Variants in DENND1B observed in about 807,000 individuals in gnomAD.
DENND1B encodes DENN domain containing 1B.
Under a neutral mutation model 90.1 loss-of-function variants are expected in DENND1B, and 59 were observed. The observed-to-expected ratio is 0.65, with a 90% confidence interval of 0.53 to 0.81. DENND1B has a LOEUF of 0.81. Ranked by LOEUF, DENND1B falls within the 40% of genes least tolerant of loss-of-function variation. The pLI is 0.00. For missense variants in DENND1B, 862 were observed against 912.6 expected, an observed-to-expected ratio of 0.94 and a Z score of 0.71; for synonymous variants, 337 against 324.6, an observed-to-expected ratio of 1.04 and a Z score of -0.41.
At chr1:197,707,925 G>A (rs1659766695) in intron 3 of DENND1B, among the ~76,000 whole-genome samples, 1 of 151,656 alleles carries the variant, frequency 6.6e-6, no homozygotes, top group Admixed American at 6.6e-5. Flanking sequence ...GGAAGCGCAA[G>A]GGGTCAGGGA....
chr1:197,596,262 C>A (rs963421564), intron 13 of DENND1B, among the ~76,000 whole-genome samples: 1 of 151,888 alleles, frequency 6.6e-6, no homozygotes, highest in African/African-American at 2.4e-5. Context: ...TATTTATGAA[C>A]AGAATTTTAA....
intron 3 of DENND1B, among the ~76,000 whole-genome samples, chr1:197,679,545 A>G (rs747230579): frequency 4.6e-5 from 7 of 151,600 alleles, no homozygotes; most frequent in Non-Finnish European, 8.8e-5. Context: ...GAATTTTGGT[A>G]TCCATGGGGA....
chr1:197,553,928 C>T (rs551291336), intron 15 of DENND1B, among the ~76,000 whole-genome samples: 16 of 152,114 alleles, frequency 1.1e-4, no homozygotes, highest in East Asian at 3.9e-4. Context: ...AGATCTTTTT[C>T]GAAGTGCAGA....
chr1:197,592,616 A>G (rs1401935509), intron 14 of DENND1B, among the ~76,000 whole-genome samples: 3 of 152,144 alleles, frequency 2.0e-5, no homozygotes, highest in African/African-American at 4.8e-5. Context: ...AAAGAACACT[A>G]TAAGTAAATG....
chr1:197,612,873 C>G (rs1677301519), intron 11 of DENND1B, among the ~76,000 whole-genome samples: 1 of 150,584 alleles, frequency 6.6e-6, no homozygotes, highest in African/African-American at 2.4e-5. Flanking sequence ...TTCAGAAATA[C>G]TTCTCACGAA....
At chr1:197,601,709 TAAAGGGGGGTATTACC>T (rs1474569827) in intron 13 of DENND1B, among the ~76,000 whole-genome samples, 1 of 151,378 alleles carries the variant, frequency 6.6e-6, no homozygotes, top group Non-Finnish European at 1.5e-5. Flanking sequence ...TACAGAGACA[TAAAGGGGGGTATTACC>T]AAAGCCTGGA....
chr1:197,522,876 A>G (rs1668870118), intron 20 of DENND1B, among the ~76,000 whole-genome samples: 1 of 152,120 alleles, frequency 6.6e-6, no homozygotes, highest in Non-Finnish European at 1.5e-5. Flanking sequence ...AGGTAAGAAA[A>G]AAATCTGCTA....
chr1:197,745,616 TTA>T (rs60118343), intron 2 of DENND1B, among the ~76,000 whole-genome samples: 2,468 of 71,702 alleles, frequency 0.034, 60 homozygotes, highest in African/African-American at 0.15. Flanking sequence ...CATATATATA[TTA>T]TATATATATA....
intron 15 of DENND1B, among the ~76,000 whole-genome samples, chr1:197,581,053 C>T (rs1230811751): frequency 6.6e-6 from 1 of 152,138 alleles, no homozygotes. Context: ...AAGAGATAAC[C>T]TGAATAATTC....
chr1:197,613,330 C>T (rs1226316970), intron 11 of DENND1B, among the ~76,000 whole-genome samples: 1 of 150,856 alleles, frequency 6.6e-6, no homozygotes, highest in East Asian at 1.9e-4. Flanking sequence ...TTATTTTACT[C>T]CTCGTTAGCC....
intron 3 of DENND1B, among the ~76,000 whole-genome samples, chr1:197,697,541 A>G (rs774998532): frequency 2.6e-5 from 4 of 151,716 alleles, no homozygotes; most frequent in Non-Finnish European, 5.9e-5. Flanking sequence ...TAAGGCTTAA[A>G]GATCACCTTC....
In DENND1B at chr1:197,540,074, A is replaced by T; in HGVS notation, c.1408-3T>A. 1 of 1,592,530 alleles carries T rather than the reference A, an allele frequency of 6.3e-7. No individual in the cohort carries two copies. The highest frequency in any genetic ancestry group is 8.6e-7 in the Non-Finnish European group (1 of 1,166,552). ...GTCCCATAATCTTCTTCATTTTCCT[A>T]CACATGAAAAAATATACAGGCAATA... On this transcript the variant is annotated splice_polypyrimidine_tract_variant and splice_region_variant and intron_variant, in intron 19 of 22. Transcript: ENST00000620048.
At chr1:197,598,741 CT>C (rs1558288989) in intron 13 of DENND1B, among the ~76,000 whole-genome samples, 1 of 151,788 alleles carries the variant, frequency 6.6e-6, no homozygotes, top group East Asian at 1.9e-4. Flanking sequence ...ATTGTTTTCT[CT>C]TTTTATTCTT....
intron 15 of DENND1B, among the ~76,000 whole-genome samples, chr1:197,559,879 C>T (rs1024765125): frequency 2.6e-5 from 4 of 151,946 alleles, no homozygotes; most frequent in African/African-American, 9.7e-5. Context: ...TATATAAACA[C>T]AAACTGCCTA....
rs549148065 is a variant in DENND1B, at chr1:197,629,145, A to G, written c.673-11386T>C. ...GATTCCTCAGGGATCTAGAACCAGAAATACCATTTGACCCAGCCATCCCAT... is the reference window on the plus strand; with the variant it reads ...GATTCCTCAGGGATCTAGAACCAGAGATACCATTTGACCCAGCCATCCCAT... On this transcript the variant is annotated intron_variant, in intron 10 of 22. Transcript: ENST00000620048. Among the ~76,000 whole-genome samples the G allele has an allele frequency of 6.8e-4, 104 of 152,294 alleles. No individual in the cohort carries two copies. The East Asian group carries it at 0.02, about 29-fold the overall frequency.
chr1:197,537,487 T>A (rs922594122), intron 20 of DENND1B, among the ~76,000 whole-genome samples: 2 of 152,142 alleles, frequency 1.3e-5, no homozygotes, highest in African/African-American at 4.8e-5. Flanking sequence ...TATCAGAATG[T>A]ACAGTGTGAG....
At chr1:197,707,648 CAT>C (rs1429528574) in intron 3 of DENND1B, among the ~76,000 whole-genome samples, 1 of 145,264 alleles carries the variant, frequency 6.9e-6, no homozygotes, top group African/African-American at 2.5e-5. Context: ...ATATAATATA[CAT>C]ATATTATATA....
At chr1:197,617,426 A>G (rs1034723121) in intron 11 of DENND1B, among the ~76,000 whole-genome samples, 1 of 151,184 alleles carries the variant, frequency 6.6e-6, no homozygotes, top group African/African-American at 2.4e-5. Context: ...TATCTAAATG[A>G]CTGCAGAAGA....
intron 2 of DENND1B, among the ~76,000 whole-genome samples, chr1:197,725,146 G>C (rs1661509325): frequency 6.6e-6 from 1 of 152,022 alleles, no homozygotes; most frequent in Admixed American, 6.5e-5. Flanking sequence ...TCTCAAGACA[G>C]ACATGACTAG....
Sources: gnomAD v4.1 joint callset for allele counts (sites outside exome capture counted in the v4.1 genomes callset) on GRCh38, gnomAD v4.1.1 for gene constraint, MANE v1.5 for transcripts, NCBI Gene and HGNC (gene_info 2026-07-23, HGNC 2026-07-21) for gene names.